The following PKHD1 variants were observed in gnomAD, a reference collection of about 807,000 sequenced individuals.
The protein encoded by PKHD1 is PKHD1 ciliary IPT domain containing fibrocystin/polyductin.
Under a neutral mutation model 412.0 loss-of-function variants are expected in PKHD1, and 291 were observed. The observed-to-expected ratio is 0.71, with a 90% CI of 0.64 to 0.78. The LOEUF is 0.78. Ranked by LOEUF, PKHD1 falls within the 30% of genes least tolerant of loss-of-function variation. The pLI, the probability that PKHD1 is intolerant of heterozygous loss-of-function variation, is 0.00. For synonymous variants in PKHD1, 1,777 were observed against 1,821.5 expected (o/e 0.98, Z 0.62); for missense variants, 4,825 against 4,950.7 (o/e 0.97, Z 0.76).
At chr6:52,001,049 T>C (rs1329526240) in intron 35 of PKHD1, among the ~76,000 whole-genome samples, 1 of 152,216 alleles carries the variant, frequency 6.6e-6, no homozygotes, top group Non-Finnish European at 1.5e-5. Flanking sequence ...ACCTAAATCA[T>C]TTTTATAATA....
chr6:51,971,302 G>A (rs980212869), intron 35 of PKHD1, among the ~76,000 whole-genome samples: 1 of 152,154 alleles, frequency 6.6e-6, no homozygotes, highest in African/African-American at 2.4e-5. Flanking sequence ...CTTCTTGAGA[G>A]AACAGTTTTC....
chr6:51,928,198 G>T (rs1270018545), intron 37 of PKHD1, among the ~76,000 whole-genome samples: 4 of 152,090 alleles, frequency 2.6e-5, no homozygotes, highest in Non-Finnish European at 4.4e-5. Context: ...GGGTGAGGAA[G>T]GTAACATTAA....
At chr6:51,820,029 ATT>A (rs1229568975) in intron 52 of PKHD1, among the ~76,000 whole-genome samples, 2 of 152,214 alleles carry the variant, frequency 1.3e-5, no homozygotes, top group African/African-American at 4.8e-5. Flanking sequence ...ACCAAGACCC[ATT>A]ACTGGGTTCA....
At chr6:52,063,352 A>G (rs1308081573) in intron 13 of PKHD1, among the ~76,000 whole-genome samples, 3 of 152,200 alleles carry the variant, frequency 2.0e-5, no homozygotes, top group Admixed American at 6.5e-5. Context: ...ATGTCCTTGC[A>G]TCTTCATTTT....
chr6:51,806,816 A>C (rs1763855533), intron 52 of PKHD1, among the ~76,000 whole-genome samples: 1 of 152,136 alleles, frequency 6.6e-6, no homozygotes, highest in Non-Finnish European at 1.5e-5. Context: ...GGAAGGAGAC[A>C]ATTATGGACT....
chr6:51,981,310 GCTCTCCCTCTCCCTCTCCCTCTCC>G (rs544974307), intron 35 of PKHD1, among the ~76,000 whole-genome samples: 3 of 12,892 alleles, frequency 2.3e-4, no homozygotes, highest in Admixed American at 2.8e-3. Flanking sequence ...CAAAGCTCAA[GCTCTCCCTCTCCCTCTCCCTCTCC>G]CTCTCCCTCT....
At position 52,015,329 on chromosome 6, in the gene PKHD1, A is replaced by G. The variant is rs536450607; in HGVS notation, c.5600+2081T>C. On this transcript the variant is annotated intron_variant, in intron 34 of 66. Coordinates refer to ENST00000371117, the MANE Select transcript of PKHD1 (RefSeq NM_138694.4). The stretch of plus-strand genomic sequence containing the variant: ...TACACATTTCTATCTACTTTCTTAA[A>G]ATCCTAAAAGAGAAATTGCTGGGTC... Among the ~76,000 whole-genome samples, 23 of 152,336 alleles carry G rather than the reference A, an allele frequency of 1.5e-4. No homozygotes were observed. The South Asian group carries it at 4.8e-3, about 32-fold the overall frequency.
In PKHD1 at chr6:51,760,417, GC is replaced by G. The variant is rs534860313; in HGVS notation, c.8643-5480del. Reference sequence around the variant, plus strand: ...CAAATGTTAAACATCTTAGTGTTATGCTTTTCTTAAAATTACAAATCATAAA... The same window carrying G: ...CAAATGTTAAACATCTTAGTGTTATGTTTTCTTAAAATTACAAATCATAAA... On this transcript the variant is annotated intron_variant, in intron 55 of 66. Transcript: ENST00000371117. Among the ~76,000 whole-genome samples, 14 of 152,192 alleles carry G rather than the reference GC, an allele frequency of 9.2e-5. No individual in the cohort carries two copies. In the East Asian group the frequency reaches 2.7e-3, roughly 29 times the overall value.
intron 43 of PKHD1, among the ~76,000 whole-genome samples, chr6:51,902,767 G>A (rs972575552): frequency 6.6e-6 from 1 of 152,140 alleles, no homozygotes; most frequent in African/African-American, 2.4e-5. Context: ...GTTCACTCAG[G>A]TCTACAGCTA....
chr6:51,937,008 A>G (rs562530477), intron 36 of PKHD1, among the ~76,000 whole-genome samples: 2 of 152,298 alleles, frequency 1.3e-5, no homozygotes, highest in Admixed American at 6.5e-5. Context: ...AAGAGTCTGG[A>G]ACCTTTTTAG....
At chr6:51,964,882 G>T (rs1792583653) in intron 35 of PKHD1, among the ~76,000 whole-genome samples, 1 of 152,004 alleles carries the variant, frequency 6.6e-6, no homozygotes, top group Non-Finnish European at 1.5e-5. Context: ...TGATTGGTGG[G>T]TTTTATATCT....
chr6:51,999,912 A>C (rs1018784128), intron 35 of PKHD1, among the ~76,000 whole-genome samples: 1 of 152,036 alleles, frequency 6.6e-6, no homozygotes, highest in African/African-American at 2.4e-5. Context: ...CTAACACACC[A>C]CACCACATAT....
Position 52,070,415 on chromosome 6 carries a change from T to C in PKHD1, c.698A>G (p.Asn233Ser). 1 of 1,607,856 alleles carries C rather than the reference T, an allele frequency of 6.2e-7. No homozygotes were observed. The highest frequency in any genetic ancestry group is 8.5e-7 in the Non-Finnish European group (1 of 1,174,444). Residue 233 changes from asparagine (N) to serine (S), a missense_variant, in exon 10 of 67, where the codon AAC (asparagine) becomes AGC (serine). By Grantham distance (46) the Asn-to-Ser change is conservative (BLOSUM62 1). Coordinates refer to ENST00000371117, the MANE Select transcript of PKHD1 (RefSeq NM_138694.4). Reference sequence around the variant, plus strand: ...ATACCCAGTTACTTACTTTCCTTTGTTAAATACTGAGAAGCTAACATTCTG... The same window carrying C: ...ATACCCAGTTACTTACTTTCCTTTGCTAAATACTGAGAAGCTAACATTCTG... ...GSQNVSFSVF[N>S]KGKSMVHKKA...
intron 50 of PKHD1, 66 bp from the exon 51 acceptor site, chr6:51,836,535 C>G: frequency 1.7e-6 from 2 of 1,144,520 alleles, no homozygotes; most frequent in South Asian, 2.5e-5. Flanking sequence ...GACAGTCACA[C>G]GTGAGAAAAG....
chr6:51,676,977 A>ATTCC (rs1361760219), intron 60 of PKHD1, among the ~76,000 whole-genome samples: 1 of 152,132 alleles, frequency 6.6e-6, no homozygotes, highest in African/African-American at 2.4e-5. Flanking sequence ...GGTGATAGGA[A>ATTCC]ACACACCCTT....
chr6:51,682,957 G>A (rs1437006914), intron 60 of PKHD1, among the ~76,000 whole-genome samples: 1 of 151,926 alleles, frequency 6.6e-6, no homozygotes, highest in African/African-American at 2.4e-5. Flanking sequence ...CTAATGTCTG[G>A]GAGACATGGC....
At chr6:52,023,223 A>T (rs1323696938) in intron 32 of PKHD1, among the ~76,000 whole-genome samples, 2 of 152,046 alleles carry the variant, frequency 1.3e-5, no homozygotes, top group Non-Finnish European at 2.9e-5. Context: ...TATAGTTTTT[A>T]AACTTTTTAT....
intron 25 of PKHD1, among the ~76,000 whole-genome samples, chr6:52,044,157 G>C (rs754339464): frequency 6.6e-6 from 1 of 152,168 alleles, no homozygotes; most frequent in African/African-American, 2.4e-5. Flanking sequence ...CTAAAGACTA[G>C]AGTGTATTTG....
At chr6:51,712,710 A>C (rs1780801799) in intron 60 of PKHD1, among the ~76,000 whole-genome samples, 1 of 152,222 alleles carries the variant, frequency 6.6e-6, no homozygotes, top group Non-Finnish European at 1.5e-5. Context: ...GAGGCCTGAC[A>C]GCCCTGTATT....
Sources: allele counts gnomAD v4.1 joint callset (sites outside exome capture counted in the v4.1 genomes callset), GRCh38; gene constraint gnomAD v4.1.1; transcripts MANE v1.5; gene names NCBI Gene and HGNC (gene_info 2026-07-23, HGNC 2026-07-21).